SH3D21: variants seen among roughly 807,000 people sequenced by gnomAD.
SH3D21 encodes the protein SH3 domain-containing protein 21.
In SH3D21, 83 loss-of-function variants were observed where a neutral mutation model predicts 82.1. That is an observed-to-expected ratio of 1.01 (90% confidence interval 0.85 to 1.21). The LOEUF (loss-of-function observed/expected upper bound fraction) is 1.21. SH3D21 is among the 50% of genes most tolerant of loss of function. The pLI is 0.00. For synonymous variants in SH3D21, 383 were observed against 387.8 expected, an observed-to-expected ratio of 0.99 and a Z score of 0.15; for missense variants, 980 against 962.1, an observed-to-expected ratio of 1.02 and a Z score of -0.25.
intron 10 of SH3D21, among the ~76,000 whole-genome samples, chr1:36,313,216 C>T (rs956006132): frequency 7.9e-5 from 12 of 151,962 alleles, no homozygotes; most frequent in South Asian, 2.1e-4. Context: ...CCCAGCTACT[C>T]GGGAAGCTGA....
chr1:36,306,853 G>T lies in SH3D21; in HGVS notation c.174G>T (p.Glu58Asp). ...GCCCTGATTCCCAGGAGATCCCAGAGACCCTGCGGGGCTCCGGAGAGGCGC... is the reference window on the plus strand; with the variant it reads ...GCCCTGATTCCCAGGAGATCCCAGATACCCTGCGGGGCTCCGGAGAGGCGC... ...FPERLVQEIP[E>D]TLRGSGEARR... Residue 58 changes from glutamate (E) to aspartate (D), a missense_variant, in exon 3 of 16, where the codon GAG (glutamate) becomes GAT (aspartate). By Grantham distance (45) the Glu-to-Asp change is conservative. Transcript: ENST00000453908. The surrounding 1 kb of genome is among the most constrained non-coding windows in gnomAD (Gnocchi z 4.5). 7.7e-7 allele frequency: 1 copy of T among 1,297,458 alleles called. No individual in the cohort carries two copies. Among genetic ancestry groups the T allele is most frequent in the Non-Finnish European group, 1.0e-6 (1 of 991,794 alleles). 80.4% of individuals were successfully genotyped at this position (1,297,458 alleles called of 1,614,324 possible).
chr1:36,320,673 C>G lies in SH3D21; in HGVS notation c.2010C>G (p.Leu670=), dbSNP rs367949845. The stretch of plus-strand genomic sequence containing the variant: ...CGCCTCCAGACTCCCAAGAGACGCT[C>G]GCGCTCCCCTCGCTGGTCCCGCAAA... ...IKPPPDSQET[L]ALPSLVPQNY... Residue 670 remains leucine, a synonymous_variant, in exon 14 of 16, where the codon CTC becomes CTG. Coordinates refer to ENST00000453908, the MANE Select transcript of SH3D21 (RefSeq NM_001162530.2). 2.5e-5 allele frequency: 40 copies of G among 1,614,128 alleles called. No homozygotes were observed. Among genetic ancestry groups the G allele is most frequent in the Non-Finnish European group, 3.4e-5 (40 of 1,180,050 alleles).
chr1:36,320,937 G>C lies in SH3D21; in HGVS notation c.2158G>C (p.Glu720Gln). Residue 720 changes from glutamate to glutamine, a missense_variant, in exon 15 of 16, where the codon GAG becomes CAG. Coordinates refer to ENST00000453908, the MANE Select transcript of SH3D21 (RefSeq NM_001162530.2). The part of the protein sequence containing the change: ...QLERKLTDIW[E>Q]ELKSEKEQRR... ...CAGGAGGAAGCTGACCGACATCTGG[G>C]AGGAGCTGAAGAGCGAGAAGGAGCA... The C allele has an allele frequency of 6.4e-7, 1 of 1,567,378 alleles. No individual in the cohort carries two copies. The highest frequency in any genetic ancestry group is 8.6e-7 in the Non-Finnish European group (1 of 1,156,118).
intron 10 of SH3D21, among the ~76,000 whole-genome samples, chr1:36,317,774 G>A (rs933345403): frequency 6.6e-6 from 1 of 152,170 alleles, no homozygotes; most frequent in Non-Finnish European, 1.5e-5. Flanking sequence ...ATGTTGACCA[G>A]GCTGGTCCTG....
At chr1:36,327,746 G>C, downstream of SH3D21, 1 of 1,234,640 alleles carries the variant, frequency 8.1e-7, no homozygotes, top group Non-Finnish European at 1.0e-6. Flanking sequence ...AGCCAGGCCA[G>C]GTGGGAGAAG....
At chr1:36,322,169 G>A, downstream of SH3D21, 1 of 1,357,440 alleles carries the variant, frequency 7.4e-7, no homozygotes, top group South Asian at 1.6e-5. Context: ...CTCTCAGGGG[G>A]TGGCGGTCCA....
chr1:36,309,990 T>C (rs1265642885), intron 10 of SH3D21, among the ~76,000 whole-genome samples: 2 of 152,242 alleles, frequency 1.3e-5, no homozygotes, highest in African/African-American at 2.4e-5. Flanking sequence ...AGTCTCACTC[T>C]GTCGCCCAGA....
At chr1:36,327,242 G>A (rs1403418643), downstream of SH3D21, among the ~76,000 whole-genome samples, 1 of 152,216 alleles carries the variant, frequency 6.6e-6, no homozygotes, top group Non-Finnish European at 1.5e-5. Context: ...TTGAGTTTCT[G>A]TGGGTTGTAT....
chr1:36,322,596 C>T (rs1475496705), downstream of SH3D21: 2 of 1,561,146 alleles, frequency 1.3e-6, no homozygotes, highest in Non-Finnish European at 1.7e-6. Flanking sequence ...GCGGGGGTCC[C>T]GGCGCTGAGC....
rs1646290562 is a variant in SH3D21 at position 36,313,967 on chromosome 1, A to ATTTTCTTTTT, written c.769+4382_769+4391dup. ...TCTGATGGCTAATGATGCTGAACAT[A>ATTTTCTTTTT]TTTTCTTTTTTTTTTTTTTTTTTTT... is the stretch of plus-strand genomic sequence containing the variant. On this transcript the variant is annotated intron_variant, in intron 10 of 15. Transcript: ENST00000453908. Among the ~76,000 whole-genome samples, 3 of 36,878 alleles carry ATTTTCTTTTT rather than the reference A, an allele frequency of 8.1e-5. 1 individual carries two copies. Among genetic ancestry groups the ATTTTCTTTTT allele is most frequent in the African/African-American group, 2.1e-4 (3 of 14,174 alleles). 24.2% of individuals were successfully genotyped at this position (36,878 alleles called of 152,430 possible). A position where few individuals can be genotyped will look rare whatever the true frequency, so the allele number is the denominator to read the frequency against.
rs755391808 is a variant in SH3D21, at chr1:36,321,114, C to A, written c.2258C>A (p.Thr753Lys). ...ACCCCGCGCGTCATCCACACGCAGA[C>A]GCAGACCTACTGAGGGTGGGCCTGG... ...SQTPRVIHTQ[T>K]QTY The change falls in exon 16 of 16, where the codon ACG becomes AAG. Residue 753 changes from threonine (T) to lysine (K), a missense_variant. Physicochemically the swap from Thr to Lys is moderately conservative, Grantham distance 78 (BLOSUM62 -1). Transcript: ENST00000453908. The surrounding 1 kb of genome is among the most constrained non-coding windows in gnomAD (Gnocchi z 6.1). 4 of 1,611,516 alleles carry A rather than the reference C, an allele frequency of 2.5e-6. No homozygotes were observed. In the South Asian group the frequency reaches 4.4e-5, roughly 18 times the overall value.
Position 36,320,468 on chromosome 1 carries a change from A to T in SH3D21, c.1805A>T (p.Glu602Val). 1 of 1,613,616 alleles carries T rather than the reference A, an allele frequency of 6.2e-7. No individual in the cohort carries two copies. Among genetic ancestry groups the T allele is most frequent in the Non-Finnish European group, 8.5e-7 (1 of 1,179,814 alleles). Residue 602 changes from glutamate (E) to valine (V), a missense_variant, in exon 14 of 16, where the codon GAG becomes GTG. Glu to Val is a moderately radical substitution (Grantham distance 121, BLOSUM62 -2). Transcript: ENST00000453908. Reference sequence around the variant, plus strand: ...TCCAATGACGAGAGGACCCCTGAAGAGGAGGCGCCCCCCAACGAGCAGAGG... The same window carrying T: ...TCCAATGACGAGAGGACCCCTGAAGTGGAGGCGCCCCCCAACGAGCAGAGG... ...APSNDERTPE[E>V]EAPPNEQRPL...
At chr1:36,321,733 C>G, downstream of SH3D21, 1 of 1,008,064 alleles carries the variant, frequency 9.9e-7, no homozygotes, top group Non-Finnish European at 1.2e-6. This position sits in a 1 kb window ranked among gnomAD's most constrained non-coding sequence, Gnocchi z 6.1. Context: ...GTGTATGAAC[C>G]CAGGGCACTG....
chr1:36,309,824 T>C (rs1570377336), intron 10 of SH3D21, among the ~76,000 whole-genome samples: 1 of 152,214 alleles, frequency 6.6e-6, no homozygotes, highest in South Asian at 2.1e-4. Flanking sequence ...TATTGGTGGG[T>C]ATAGATTTGT....
intron 10 of SH3D21, among the ~76,000 whole-genome samples, chr1:36,312,951 G>C (rs1570385806): frequency 6.6e-6 from 1 of 151,966 alleles, no homozygotes; most frequent in Non-Finnish European, 1.5e-5. Context: ...TGACTTTGTG[G>C]TCTGCCCGGC....
downstream of SH3D21, chr1:36,328,093 T>C: frequency 2.2e-6 from 1 of 458,098 alleles, no homozygotes. Context: ...TTCTCTGCCC[T>C]CCTATCTGCC....
downstream of SH3D21, chr1:36,322,243 C>T (rs1179952496): frequency 2.1e-6 from 3 of 1,440,484 alleles, no homozygotes; most frequent in African/African-American, 2.9e-5. Context: ...TAGCTCTGAG[C>T]TCATGTGCAG....
At chr1:36,312,881 T>G (rs1430491104) in intron 10 of SH3D21, among the ~76,000 whole-genome samples, 1 of 152,126 alleles carries the variant, frequency 6.6e-6, no homozygotes, top group Non-Finnish European at 1.5e-5. Flanking sequence ...CAGCTAAATT[T>G]TTTTGTATTT....
At chr1:36,311,065 T>G (rs1646229979) in intron 10 of SH3D21, among the ~76,000 whole-genome samples, 1 of 148,410 alleles carries the variant, frequency 6.7e-6, no homozygotes, top group Admixed American at 6.7e-5. Context: ...CCCACCACCA[T>G]GCCCGGCTAA....
Sources: allele counts gnomAD v4.1 joint callset (sites outside exome capture counted in the v4.1 genomes callset), GRCh38; gene constraint gnomAD v4.1.1; non-coding constraint Gnocchi (gnomAD v3.1); transcripts MANE v1.5; gene names NCBI Gene and HGNC (gene_info 2026-07-23, HGNC 2026-07-21).